The following SYNJ2 variants were observed in gnomAD, a reference collection of about 807,000 sequenced individuals.
The protein encoded by SYNJ2 is synaptojanin 2.
A neutral mutation model predicts 141.3 loss-of-function variants in SYNJ2; 116 were observed. That is an observed-to-expected ratio of 0.82 (90% CI 0.71 to 0.96). The LOEUF (loss-of-function observed/expected upper bound fraction) is 0.96. Ranked by LOEUF, SYNJ2 falls within the 40% of genes least tolerant of loss-of-function variation. The probability of loss-of-function intolerance (pLI) is 0.00; values close to 1 mark genes in which losing one functional copy is unlikely to be tolerated. For synonymous variants in SYNJ2, 745 were observed against 777.7 expected, an observed-to-expected ratio of 0.96 and a Z score of 0.70; for missense variants, 1,873 against 1,934.8, an observed-to-expected ratio of 0.97 and a Z score of 0.60.
intron 13 of SYNJ2, 31 bp downstream of exon 13, chr6:158,068,759 G>T (rs749098761): frequency 3.1e-6 from 5 of 1,611,642 alleles, no homozygotes; most frequent in Non-Finnish European, 8.5e-7. Context: ...GGCCAGGCAG[G>T]GACTTCCTGA....
chr6:158,016,554 C>T (rs777661946), intron 1 of SYNJ2, among the ~76,000 whole-genome samples: 5 of 152,134 alleles, frequency 3.3e-5, no homozygotes, highest in African/African-American at 4.8e-5. Context: ...AGGCCTGCCC[C>T]GTCGTCACCA....
rs1781510013 is a variant in SYNJ2 at position 158,065,507 on chromosome 6, G to T, written c.1525+516G>T. ...CATCGTGATTCCATCAATATAGGAG[G>T]TTCCTTTGGGAGCATTTTAATGGCA... is the stretch of plus-strand genomic sequence containing the variant. On this transcript the variant is annotated intron_variant, in intron 11 of 26. Transcript: ENST00000355585. Among the ~76,000 whole-genome samples, 5 of 152,136 alleles carry T rather than the reference G, an allele frequency of 3.3e-5. No individual in the cohort carries two copies. The South Asian group carries it at 1.0e-3, about 31-fold the overall frequency.
At chr6:158,059,517 A>G (rs1781078018) in intron 7 of SYNJ2, 164 bp downstream of exon 7, 1 of 1,417,024 alleles carries the variant, frequency 7.1e-7, no homozygotes, top group African/African-American at 1.5e-5. Flanking sequence ...GGCAGTGCTC[A>G]GTGACTCGGG....
chr6:157,993,797 GTTTTTTTTTTTTTT>G (rs61529071), intron 1 of SYNJ2, among the ~76,000 whole-genome samples: 10 of 47,966 alleles, frequency 2.1e-4, no homozygotes, highest in African/African-American at 3.0e-4. Flanking sequence ...AAATGTGTGG[GTTTTTTTTTTTTTT>G]TTTTTTTTTT....
chr6:158,080,985 A>AC (rs1252961104), intron 18 of SYNJ2, 124 bp from the exon 19 acceptor site: 1 of 853,560 alleles, frequency 1.2e-6, no homozygotes. Flanking sequence ...GCCCTGGGGG[A>AC]CAGCAGCTGG....
chr6:158,096,578 G>A lies in SYNJ2; in HGVS notation c.*214G>A. 1 of 478,840 alleles carries A rather than the reference G, an allele frequency of 2.1e-6. No homozygotes were observed. 29.7% of individuals were successfully genotyped at this position (478,840 alleles called of 1,614,324 possible). A position where few individuals can be genotyped will look rare whatever the true frequency, so the allele number is the denominator to read the frequency against. ...TTCACTCAAGGCTTGTACATCTGAA[G>A]TTTGCTCTTCAAGGAATGGGAACCT... On this transcript the variant is annotated 3_prime_UTR_variant, in exon 27 of 27. Transcript: ENST00000355585.
At chr6:158,034,307 A>G (rs961749900) in intron 4 of SYNJ2, among the ~76,000 whole-genome samples, 1 of 152,236 alleles carries the variant, frequency 6.6e-6, no homozygotes, top group African/African-American at 2.4e-5. Flanking sequence ...TAAGGCCACC[A>G]TGTGGAATAC....
At chr6:158,004,453 A>G (rs1777978734) in intron 1 of SYNJ2, among the ~76,000 whole-genome samples, 1 of 152,216 alleles carries the variant, frequency 6.6e-6, no homozygotes, top group Non-Finnish European at 1.5e-5. Context: ...GCACCATGAC[A>G]GTTTACAAAT....
At chr6:158,075,078 T>A (rs576228139) in intron 16 of SYNJ2, among the ~76,000 whole-genome samples, 1 of 152,012 alleles carries the variant, frequency 6.6e-6, no homozygotes, top group South Asian at 2.1e-4. Context: ...ATTACAGGCG[T>A]GTGCCGCCAC....
chr6:157,990,045 GC>G (rs1777360950), intron 1 of SYNJ2, among the ~76,000 whole-genome samples: 1 of 152,238 alleles, frequency 6.6e-6, no homozygotes, highest in African/African-American at 2.4e-5. Context: ...GGTCCTGTGG[GC>G]TGCGCCGTCT....
chr6:158,045,099 CTTTT>C (rs761042284), intron 5 of SYNJ2, among the ~76,000 whole-genome samples: 1 of 112,312 alleles, frequency 8.9e-6, no homozygotes, highest in South Asian at 3.7e-4. Context: ...AGGGGTCCTC[CTTTT>C]TTTTTTTTTT....
intron 3 of SYNJ2, among the ~76,000 whole-genome samples, chr6:158,032,719 G>A (rs1000801673): frequency 6.6e-6 from 1 of 152,164 alleles, no homozygotes; most frequent in Admixed American, 6.5e-5. Flanking sequence ...CTTTCACATA[G>A]GGTCACTTCA....
chr6:158,088,005 ATTTT>A (rs1783176033), intron 23 of SYNJ2, among the ~76,000 whole-genome samples: 1 of 83,368 alleles, frequency 1.2e-5, no homozygotes, highest in Non-Finnish European at 2.4e-5. Context: ...CTGCAAGTAT[ATTTT>A]AACAGTTTAT....
Position 158,054,971 on chromosome 6 carries a change from G to C in SYNJ2, c.800G>C (p.Gly267Ala), listed in dbSNP as rs1302094853. Residue 267 changes from glycine (G) to alanine (A), a missense_variant, in exon 6 of 27, where the codon GGC (glycine) becomes GCC (alanine). Physicochemically the swap from Gly to Ala is moderately conservative, Grantham distance 60. Transcript: ENST00000355585. Reference protein sequence around the residue: ...LFWEQPGLQVGSHHLRLHRGL... With the variant: ...LFWEQPGLQVASHHLRLHRGL... The stretch of plus-strand genomic sequence containing the variant: ...TGTTACTTCTCTTTGCTTTAGGTTG[G>C]CTCCCATCATCTGAGACTCCACAGA... 9 of 1,613,882 alleles carry C rather than the reference G, an allele frequency of 5.6e-6. No individual in the cohort carries two copies. Among genetic ancestry groups the C allele is most frequent in the Non-Finnish European group, 6.8e-6 (8 of 1,179,992 alleles).
intron 1 of SYNJ2, among the ~76,000 whole-genome samples, chr6:158,016,629 A>G (rs1184688054): frequency 1.3e-5 from 2 of 152,062 alleles, no homozygotes; most frequent in African/African-American, 2.4e-5. Flanking sequence ...CCCTGCGCCT[A>G]ATGGTTCTTC....
rs750424606 is a variant in SYNJ2 at position 158,083,516 on chromosome 6, A to G, written c.2953A>G (p.Met985Val). The change falls in exon 21 of 27, where the codon ATG becomes GTG. Residue 985 changes from methionine (M) to valine (V), a missense_variant. Transcript: ENST00000355585. ...REEIIRKRDS[M>V]APVSPTANSC... ...GGAGATCATTCGGAAACGAGACAGC[A>G]TGGCCCCCGTGTCTCCCACTGCCAA... is the stretch of plus-strand genomic sequence containing the variant. 4 of 1,614,172 alleles carry G rather than the reference A, an allele frequency of 2.5e-6. No individual in the cohort carries two copies. The highest frequency in any genetic ancestry group is 2.2e-5 in the South Asian group (2 of 91,080).
intron 8 of SYNJ2, 49 bp downstream of exon 8, chr6:158,062,213 C>T (rs1300814973): frequency 6.3e-7 from 1 of 1,593,210 alleles, no homozygotes; most frequent in Admixed American, 1.7e-5. Flanking sequence ...GGGGAAGCGT[C>T]AGTCCACGGT....
intron 8 of SYNJ2, 75 bp downstream of exon 8, chr6:158,062,239 C>T: frequency 1.9e-6 from 3 of 1,564,742 alleles, no homozygotes; most frequent in South Asian, 2.4e-5. Flanking sequence ...TCGCTGCGTG[C>T]TGTGCCTTCT....
chr6:158,012,318 C>G (rs1015475539), intron 1 of SYNJ2, among the ~76,000 whole-genome samples: 4 of 152,206 alleles, frequency 2.6e-5, no homozygotes, highest in Non-Finnish European at 4.4e-5. Context: ...TGATCAGGAC[C>G]TTGAGAGGAG....
Sources: allele counts gnomAD v4.1 joint callset (sites outside exome capture counted in the v4.1 genomes callset), GRCh38; gene constraint gnomAD v4.1.1; transcripts MANE v1.5; gene names NCBI Gene and HGNC (gene_info 2026-07-23, HGNC 2026-07-21).